Variants in EPB41L3 observed in about 807,000 individuals in gnomAD.
EPB41L3 encodes band 4.1-like protein 3.
Under a neutral mutation model 127.1 loss-of-function variants are expected in EPB41L3, and 57 were observed. That is an observed-to-expected ratio of 0.45 (90% CI 0.36 to 0.56). EPB41L3 has a LOEUF of 0.56. EPB41L3 is among the 20% of genes least tolerant of loss of function. The probability of loss-of-function intolerance (pLI) is 0.00; values close to 1 mark genes in which losing one functional copy is unlikely to be tolerated. For missense variants in EPB41L3, 1,273 were observed against 1,372.2 expected (o/e 0.93, Z 1.14); for synonymous variants, 572 against 549.5 (o/e 1.04, Z -0.57).
chr18:5,418,292 T>C (rs1055955495), intron 12 of EPB41L3, among the ~76,000 whole-genome samples: 3 of 152,182 alleles, frequency 2.0e-5, no homozygotes, highest in Non-Finnish European at 4.4e-5. Flanking sequence ...GAGGACAGCT[T>C]AGTGCTACGT....
Position 5,416,000 on chromosome 18 carries a change from A to C in EPB41L3, c.1885T>G (p.Ser629Ala). 6.2e-7 allele frequency: 1 copy of C among 1,614,130 alleles called. No individual in the cohort carries two copies. Among genetic ancestry groups the C allele is most frequent in the Non-Finnish European group, 8.5e-7 (1 of 1,180,022 alleles). ...AGGAAACAGGGCACAAGGGACGGTGAGCGGATCGGGAGGTAATGCTGCAAG... is the reference window on the plus strand; with the variant it reads ...AGGAAACAGGGCACAAGGGACGGTGCGCGGATCGGGAGGTAATGCTGCAAG... ...QSLQHYLPIR[S>A]PSLVPCFLFI... Residue 629 changes from serine (S) to alanine (A), a missense_variant, in exon 13 of 23, where the codon TCA becomes GCA. Coordinates refer to ENST00000341928, the MANE Select transcript of EPB41L3 (RefSeq NM_012307.5).
intron 3 of EPB41L3, among the ~76,000 whole-genome samples, chr18:5,557,729 A>T (rs2094060715): frequency 6.6e-6 from 1 of 152,194 alleles, no homozygotes; most frequent in Non-Finnish European, 1.5e-5. Context: ...TTCTCTCAAG[A>T]ATACAGGCCT....
chr18:5,606,898 CTCTCTCTCTCTCTCTCTG>C (rs1484369545), intron 3 of EPB41L3, among the ~76,000 whole-genome samples: 15 of 151,666 alleles, frequency 9.9e-5, no homozygotes, highest in Non-Finnish European at 1.8e-4. Flanking sequence ...CTCTCTCTCT[CTCTCTCTCTCTCTCTCTG>C]TCTCTCTCTC....
chr18:5,454,209 G>GTTTTTTTTTT (rs558597098), intron 3 of EPB41L3, among the ~76,000 whole-genome samples: 2 of 116,392 alleles, frequency 1.7e-5, no homozygotes, highest in Non-Finnish European at 1.9e-5. Context: ...TTGTTTCCTT[G>GTTTTTTTTTT]TTTTTTTTTT....
upstream of EPB41L3, chr18:5,630,605 C>T (rs1041687471): frequency 2.1e-6 from 1 of 480,954 alleles, no homozygotes; most frequent in Non-Finnish European, 4.1e-6. Flanking sequence ...CGGGCTCCTC[C>T]CGCAGCTGCG....
At chr18:5,623,014 T>G (rs1342709080) in intron 1 of EPB41L3, among the ~76,000 whole-genome samples, 3 of 142,590 alleles carry the variant, frequency 2.1e-5, no homozygotes, top group Non-Finnish European at 4.5e-5. Context: ...TCGGTCTCAC[T>G]TTTTCACTCA....
At chr18:5,432,724 C>T (rs942173466) in intron 8 of EPB41L3, among the ~76,000 whole-genome samples, 1 of 152,168 alleles carries the variant, frequency 6.6e-6, no homozygotes, top group Non-Finnish European at 1.5e-5. Flanking sequence ...ACGACTGTAA[C>T]CCTCCTACAG....
At chr18:5,521,038 C>G (rs1191031220) in intron 1 of EPB41L3, among the ~76,000 whole-genome samples, 1 of 152,162 alleles carries the variant, frequency 6.6e-6, no homozygotes, top group African/African-American at 2.4e-5. Context: ...TAACTGAAAT[C>G]CTTGTCCCTG....
At chr18:5,619,771 T>C (rs76038483) in intron 1 of EPB41L3, among the ~76,000 whole-genome samples, 2,292 of 152,338 alleles carry the variant, frequency 0.015, 17 homozygotes, top group Middle Eastern at 0.058. Flanking sequence ...AGATAAATCC[T>C]CTTGTTATGC....
intron 3 of EPB41L3, among the ~76,000 whole-genome samples, chr18:5,462,359 AG>A (rs1320933380): frequency 6.6e-6 from 1 of 152,212 alleles, no homozygotes; most frequent in Non-Finnish European, 1.5e-5. Context: ...AACTGAAAGA[AG>A]GCACAAGAAT....
intron 1 of EPB41L3, among the ~76,000 whole-genome samples, chr18:5,533,117 A>G (rs2093463121): frequency 6.6e-6 from 1 of 152,100 alleles, no homozygotes; most frequent in East Asian, 1.9e-4. Context: ...CAAAATCGCA[A>G]TTTTTGATGA....
chr18:5,473,095 T>G (rs2086465131), intron 3 of EPB41L3, among the ~76,000 whole-genome samples: 1 of 152,100 alleles, frequency 6.6e-6, no homozygotes, highest in Admixed American at 6.6e-5. Flanking sequence ...GGCCAGATTT[T>G]TATGTGTTAT....
intron 1 of EPB41L3, among the ~76,000 whole-genome samples, chr18:5,542,385 C>T (rs905409663): frequency 2.0e-5 from 3 of 152,178 alleles, no homozygotes; most frequent in African/African-American, 7.2e-5. Flanking sequence ...TGTGACGCTT[C>T]CTGTACTATA....
At chr18:5,473,285 GA>G (rs1599434660) in intron 3 of EPB41L3, among the ~76,000 whole-genome samples, 1 of 151,952 alleles carries the variant, frequency 6.6e-6, no homozygotes, top group Non-Finnish European at 1.5e-5. Context: ...TAAATAAACT[GA>G]CTTTCACATG....
At position 5,580,570 on chromosome 18, in the gene EPB41L3, G is replaced by A. The variant is rs187002184; in HGVS notation, c.-306+31770C>T. ...GATAAGTATACATATATATGCACAC[G>A]CACATATACAATCATATATCCATTA... On this transcript the variant is annotated intron_variant, in intron 3 of 21. Transcript: ENST00000545076. Among the ~76,000 whole-genome samples, 8 of 151,760 alleles carry A rather than the reference G, an allele frequency of 5.3e-5. No individual in the cohort carries two copies. In the East Asian group the frequency reaches 7.7e-4, roughly 15 times the overall value.
At chr18:5,535,213 T>A (rs1193648094) in intron 1 of EPB41L3, among the ~76,000 whole-genome samples, 3 of 151,946 alleles carry the variant, frequency 2.0e-5, no homozygotes, top group Non-Finnish European at 4.4e-5. Flanking sequence ...GGAAAAACTG[T>A]CTTCCATGAA....
At chr18:5,471,930 T>A (rs1396543264) in intron 3 of EPB41L3, among the ~76,000 whole-genome samples, 1 of 152,168 alleles carries the variant, frequency 6.6e-6, no homozygotes, top group Non-Finnish European at 1.5e-5. Flanking sequence ...TTATCTCACA[T>A]AGAGCATCGA....
upstream of EPB41L3, among the ~76,000 whole-genome samples, chr18:5,630,139 T>A (rs569470713): frequency 1.6e-4 from 25 of 152,146 alleles, no homozygotes; most frequent in East Asian, 4.9e-3. Flanking sequence ...AAGCCCTCTG[T>A]CCCCCTCAAA....
chr18:5,461,920 A>G (rs955296249), intron 3 of EPB41L3, among the ~76,000 whole-genome samples: 3 of 152,174 alleles, frequency 2.0e-5, no homozygotes, highest in South Asian at 2.1e-4. Context: ...TGGAAGAGAA[A>G]AAAAGAATCC....
Sources: gnomAD v4.1 joint callset for allele counts (sites outside exome capture counted in the v4.1 genomes callset) on GRCh38, gnomAD v4.1.1 for gene constraint, MANE v1.5 for transcripts, NCBI Gene and HGNC (gene_info 2026-07-23, HGNC 2026-07-21) for gene names.